Variants in METTL15 observed in about 807,000 individuals in gnomAD.
The protein encoded by METTL15 is 12S rRNA N(4)-cytidine methyltransferase METTL15.
A neutral mutation model predicts 38.3 loss-of-function variants in METTL15; 34 were observed. That is an observed-to-expected ratio of 0.89 (90% CI 0.68 to 1.18). METTL15 has a LOEUF of 1.18. Ranked by LOEUF, METTL15 falls within the 50% of genes most tolerant of loss-of-function variation. The pLI is 0.00. For missense variants in METTL15, 438 were observed against 498.4 expected, an observed-to-expected ratio of 0.88 and a Z score of 1.15; for synonymous variants, 162 against 170.9, an observed-to-expected ratio of 0.95 and a Z score of 0.41.
At chr11:28,420,904 A>G (rs1298213060) in intron 5 of METTL15, among the ~76,000 whole-genome samples, 1 of 152,088 alleles carries the variant, frequency 6.6e-6, no homozygotes, top group African/African-American at 2.4e-5. Context: ...GAAACAATAG[A>G]AAAGATAAAC....
intron 5 of METTL15, among the ~76,000 whole-genome samples, chr11:28,399,880 G>T (rs1017887811): frequency 1.3e-5 from 2 of 151,838 alleles, no homozygotes; most frequent in Non-Finnish European, 2.9e-5. Context: ...CATAATCAGG[G>T]AGAATGACAG....
chr11:28,248,044 A>T (rs1854583858), intron 4 of METTL15, among the ~76,000 whole-genome samples: 2 of 152,012 alleles, frequency 1.3e-5, no homozygotes, highest in Admixed American at 1.3e-4. Context: ...TATTTGGGGG[A>T]ATAAACACTA....
At chr11:28,511,614 G>A (rs745539909) in intron 6 of METTL15, among the ~76,000 whole-genome samples, 16 of 152,020 alleles carry the variant, frequency 1.1e-4, no homozygotes, top group African/African-American at 2.9e-4. Flanking sequence ...GGACCTTCGC[G>A]GTGAGTGTTA....
In METTL15 at chr11:28,126,709, A is replaced by G. The variant is rs151179228; in HGVS notation, c.270+13105A>G. Among the ~76,000 whole-genome samples the G allele has an allele frequency of 1.4e-3, 214 of 152,272 alleles. 2 individuals are homozygous for G. Among genetic ancestry groups the G allele is most frequent in the South Asian group, 0.01 (49 of 4,826 alleles). Reference sequence around the variant, plus strand: ...AAGTTTCTACTGTATATCAGGTACAATGCACTTAGTACTGGATATGCAATA... The same window carrying G: ...AAGTTTCTACTGTATATCAGGTACAGTGCACTTAGTACTGGATATGCAATA... On this transcript the variant is annotated intron_variant, in intron 3 of 6. Coordinates refer to ENST00000407364, the MANE Select transcript of METTL15 (RefSeq NM_001113528.2).
intron 3 of METTL15, among the ~76,000 whole-genome samples, chr11:28,175,611 A>G (rs1421946354): frequency 6.6e-6 from 1 of 152,116 alleles, no homozygotes; most frequent in African/African-American, 2.4e-5. Flanking sequence ...ACTTTCTTAA[A>G]CCTGCATCTC....
chr11:28,211,025 A>G, intron 3 of METTL15, 37 bp from the exon 4 acceptor site: 1 of 1,585,650 alleles, frequency 6.3e-7, no homozygotes, highest in Non-Finnish European at 8.6e-7. Context: ...AGTTTTGTTT[A>G]TGCTAAGTTG....
intron 3 of METTL15, among the ~76,000 whole-genome samples, chr11:28,113,919 T>C (rs1041586281): frequency 6.6e-6 from 1 of 152,232 alleles, no homozygotes; most frequent in African/African-American, 2.4e-5. Flanking sequence ...TGAGCATGTT[T>C]AAGGTAGGTT....
At chr11:28,129,052 G>C (rs891436494) in intron 3 of METTL15, among the ~76,000 whole-genome samples, 2 of 151,908 alleles carry the variant, frequency 1.3e-5, no homozygotes, top group Non-Finnish European at 2.9e-5. Flanking sequence ...TTCTCAACTT[G>C]TCCTCATAGG....
At chr11:28,127,707 T>C (rs1317036173) in intron 3 of METTL15, among the ~76,000 whole-genome samples, 2 of 152,152 alleles carry the variant, frequency 1.3e-5, no homozygotes, top group East Asian at 3.8e-4. Flanking sequence ...CTATTTTATG[T>C]AGAATAAGCA....
At chr11:28,298,791 GTC>G (rs1214182038) in intron 6 of METTL15, among the ~76,000 whole-genome samples, 1 of 151,996 alleles carries the variant, frequency 6.6e-6, no homozygotes, top group African/African-American at 2.4e-5. Context: ...TTAAATATCA[GTC>G]TATAATAATA....
In METTL15 at chr11:28,114,466, T is replaced by G. The variant is rs1310357814; in HGVS notation, c.270+862T>G. 2.0e-5 allele frequency among the ~76,000 whole-genome samples: 3 copies of G among 152,194 alleles called. No individual in the cohort carries two copies. In the South Asian group the frequency reaches 6.2e-4, roughly 31 times the overall value. On this transcript the variant is annotated intron_variant, in intron 3 of 6. Transcript: ENST00000407364. ...CGTGTACAAGTTTTCTTTTCTTTTT[T>G]TTGAAACAGAGTCTTGCTCTGTCAC...
chr11:28,432,484 C>T (rs1850940815), intron 6 of METTL15, among the ~76,000 whole-genome samples: 1 of 152,066 alleles, frequency 6.6e-6, no homozygotes, highest in Non-Finnish European at 1.5e-5. Flanking sequence ...TCAATATTGT[C>T]CATTGAAGGC....
intron 4 of METTL15, among the ~76,000 whole-genome samples, chr11:28,220,549 T>A (rs533965180): frequency 2.6e-5 from 4 of 152,226 alleles, no homozygotes; most frequent in Non-Finnish European, 5.9e-5. Flanking sequence ...TTGGAGCATT[T>A]AGCCCATTGA....
At chr11:28,408,612 G>C (rs1404522571) in intron 5 of METTL15, among the ~76,000 whole-genome samples, 1 of 152,038 alleles carries the variant, frequency 6.6e-6, no homozygotes, top group African/African-American at 2.4e-5. Flanking sequence ...ATGATCATAT[G>C]GTAAAATGTC....
intron 4 of METTL15, among the ~76,000 whole-genome samples, chr11:28,264,901 A>T (rs1369047898): frequency 6.6e-6 from 1 of 152,148 alleles, no homozygotes; most frequent in Non-Finnish European, 1.5e-5. Context: ...GAAAGATATG[A>T]TCATGCATAA....
At chr11:28,244,422 A>G (rs970910650) in intron 4 of METTL15, among the ~76,000 whole-genome samples, 2 of 152,068 alleles carry the variant, frequency 1.3e-5, no homozygotes, top group Non-Finnish European at 2.9e-5. Flanking sequence ...AGTAGTTCCA[A>G]TTTCAGCTAC....
chr11:28,432,888 C>T (rs1051668277), intron 6 of METTL15, among the ~76,000 whole-genome samples: 1 of 151,854 alleles, frequency 6.6e-6, no homozygotes, highest in African/African-American at 2.4e-5. Flanking sequence ...CAACAAACTC[C>T]CAGAGCACTG....
At chr11:28,383,294 A>G (rs1850407913) in intron 5 of METTL15, among the ~76,000 whole-genome samples, 1 of 152,116 alleles carries the variant, frequency 6.6e-6, no homozygotes, top group African/African-American at 2.4e-5. Context: ...AAAGAAAATG[A>G]TCTCATTATT....
downstream of METTL15, among the ~76,000 whole-genome samples, chr11:28,334,797 A>G (rs564092146): frequency 3.3e-5 from 5 of 152,290 alleles, no homozygotes; most frequent in East Asian, 9.6e-4. Flanking sequence ...TGCAGCATAA[A>G]ATTTTAAAAA....
Sources: allele counts gnomAD v4.1 joint callset (sites outside exome capture counted in the v4.1 genomes callset), GRCh38; gene constraint gnomAD v4.1.1; transcripts MANE v1.5; gene names NCBI Gene and HGNC (gene_info 2026-07-23, HGNC 2026-07-21).